RANBP2: variants seen among roughly 807,000 people sequenced by gnomAD.
The protein encoded by RANBP2 is RAN binding protein 2.
In RANBP2, 57 loss-of-function variants were observed where a neutral mutation model predicts 303.6. The observed-to-expected ratio is 0.19, with a 90% CI of 0.15 to 0.23. The LOEUF is 0.23. Among genes scored for constraint, RANBP2 ranks in the 10% least tolerant of loss-of-function variants. The pLI, the probability that RANBP2 is intolerant of heterozygous loss-of-function variation, is 1.00. For synonymous variants in RANBP2, 1,167 were observed against 1,301.5 expected, an observed-to-expected ratio of 0.90 and a Z score of 2.23; for missense variants, 3,138 against 3,780.8, an observed-to-expected ratio of 0.83 and a Z score of 4.46.
At chr2:109,191,026 A>C in the RANBP2 span, among the ~76,000 whole-genome samples, 122,604 of 151,694 alleles carry the variant, frequency 0.81, 49,666 homozygotes, top group South Asian at 0.86. Context: ...CAGAGAGTAA[A>C]TATTTCAGGC....
the RANBP2 span, among the ~76,000 whole-genome samples, chr2:108,837,627 G>A: frequency 7.2e-5 from 11 of 152,306 alleles, no homozygotes; most frequent in Non-Finnish European, 1.3e-4. Flanking sequence ...TGATGCTGAC[G>A]TAAACAAACC....
chr2:109,380,645 G>A, the RANBP2 span, among the ~76,000 whole-genome samples: 5 of 152,172 alleles, frequency 3.3e-5, no homozygotes, highest in African/African-American at 1.2e-4. Context: ...AGCCTGAGTG[G>A]CTCAGTCATC....
chr2:108,743,898 GTATTT>G (rs570226206), intron 7 of RANBP2, among the ~76,000 whole-genome samples: 2 of 151,956 alleles, frequency 1.3e-5, no homozygotes, highest in African/African-American at 2.4e-5. Flanking sequence ...TTAGATGCTT[GTATTT>G]TATTTTATCA....
the RANBP2 span, among the ~76,000 whole-genome samples, chr2:108,898,098 A>G: frequency 6.6e-6 from 1 of 152,346 alleles, no homozygotes; most frequent in African/African-American, 2.4e-5. Context: ...CCTAGCAAGC[A>G]TAAAACATTT....
At chr2:109,639,803 T>C in the RANBP2 span, among the ~76,000 whole-genome samples, 1 of 151,138 alleles carries the variant, frequency 6.6e-6, no homozygotes, top group Non-Finnish European at 1.5e-5. Context: ...CTCCACCTCC[T>C]GGGTTCAGAC....
the RANBP2 span, among the ~76,000 whole-genome samples, chr2:109,295,049 A>G: frequency 2.6e-5 from 4 of 152,258 alleles, no homozygotes; most frequent in Admixed American, 6.5e-5. Flanking sequence ...GGATCCCTGC[A>G]GGAAATGCCA....
chr2:109,031,467 G>A, the RANBP2 span, among the ~76,000 whole-genome samples: 2 of 152,224 alleles, frequency 1.3e-5, no homozygotes, highest in Non-Finnish European at 2.9e-5. Flanking sequence ...GTTGCACCGG[G>A]GACTGGGCTT....
chr2:109,036,873 G>C, the RANBP2 span, among the ~76,000 whole-genome samples: 2 of 152,194 alleles, frequency 1.3e-5, no homozygotes, highest in Non-Finnish European at 2.9e-5. Flanking sequence ...GCTGGGCAAG[G>C]TGGCTCACAC....
chr2:109,202,608 T>C, the RANBP2 span, among the ~76,000 whole-genome samples: 1 of 152,146 alleles, frequency 6.6e-6, no homozygotes, highest in African/African-American at 2.4e-5. Flanking sequence ...TTTCAGAGCA[T>C]AGAGGGTGAG....
chr2:109,292,018 C>T, the RANBP2 span, among the ~76,000 whole-genome samples: 1 of 152,156 alleles, frequency 6.6e-6, no homozygotes, highest in Non-Finnish European at 1.5e-5. Flanking sequence ...CGCACGCCAC[C>T]ACGCCCAGCT....
At chr2:108,992,745 T>C in the RANBP2 span, among the ~76,000 whole-genome samples, 1 of 152,256 alleles carries the variant, frequency 6.6e-6, no homozygotes, top group Non-Finnish European at 1.5e-5. Flanking sequence ...ATCACAGTTC[T>C]GTCTATAGTG....
At chr2:109,627,703 A>G in the RANBP2 span, among the ~76,000 whole-genome samples, 2 of 152,158 alleles carry the variant, frequency 1.3e-5, no homozygotes, top group African/African-American at 4.8e-5. Context: ...GACTTCTAAC[A>G]CCTTAGGTGA....
At chr2:109,104,155 A>G in the RANBP2 span, among the ~76,000 whole-genome samples, 1 of 152,174 alleles carries the variant, frequency 6.6e-6, no homozygotes, top group Non-Finnish European at 1.5e-5. Flanking sequence ...GTTTCAAAAT[A>G]TGTCAAAGAA....
chr2:108,815,754 C>G, the RANBP2 span: 1 of 176,900 alleles, frequency 5.7e-6, no homozygotes, highest in African/African-American at 2.4e-5. Context: ...GCTTGAGCCA[C>G]TGCGCCAGGC....
chr2:109,389,291 C>T, the RANBP2 span, among the ~76,000 whole-genome samples: 12 of 152,238 alleles, frequency 7.9e-5, no homozygotes, highest in African/African-American at 2.7e-4. Context: ...GGTTCACACC[C>T]TGTGCAAACA....
chr2:109,464,103 G>A, the RANBP2 span, among the ~76,000 whole-genome samples: 3 of 152,168 alleles, frequency 2.0e-5, no homozygotes, highest in Admixed American at 6.5e-5. Flanking sequence ...CCGGGCTGCA[G>A]CATTTTTACA....
the RANBP2 span, among the ~76,000 whole-genome samples, chr2:109,244,367 A>T: frequency 1.3e-5 from 2 of 152,212 alleles, no homozygotes; most frequent in African/African-American, 4.8e-5. Context: ...CCTAATATAT[A>T]AACCTCAGGT....
At chr2:108,855,499 AAG>A in the RANBP2 span, among the ~76,000 whole-genome samples, 1 of 152,106 alleles carries the variant, frequency 6.6e-6, no homozygotes, top group African/African-American at 2.4e-5. Context: ...AAAAAAAAAA[AAG>A]GATGTTTCTA....
the RANBP2 span, among the ~76,000 whole-genome samples, chr2:109,423,006 C>T: frequency 6.6e-6 from 1 of 152,172 alleles, no homozygotes; most frequent in African/African-American, 2.4e-5. Flanking sequence ...CAACGGAACT[C>T]TTGGCACAGA....
Sources: allele counts gnomAD v4.1 joint callset (sites outside exome capture counted in the v4.1 genomes callset), GRCh38; gene constraint gnomAD v4.1.1; transcripts MANE v1.5; gene names NCBI Gene and HGNC (gene_info 2026-07-23, HGNC 2026-07-21).